The following LMCD1 variants were observed in gnomAD, a reference collection of about 807,000 sequenced individuals.
LMCD1 encodes the protein LIM and cysteine-rich domains protein 1.
A neutral mutation model predicts 42.7 loss-of-function variants in LMCD1; 32 were observed. The ratio of observed to expected loss-of-function variants is 0.75; its 90% confidence interval spans 0.57 to 1.01. The LOEUF is 1.01. Ranked by LOEUF, LMCD1 falls within the 50% of genes least tolerant of loss-of-function variation. The pLI is 0.00. For missense variants in LMCD1, 458 were observed against 483.1 expected, an observed-to-expected ratio of 0.95 and a Z score of 0.49; for synonymous variants, 178 against 184.9, an observed-to-expected ratio of 0.96 and a Z score of 0.30.
chr3:8,537,431 C>G lies in LMCD1; in HGVS notation c.378C>G (p.Thr126=). The change falls in exon 3 of 6, where the codon ACC becomes ACG. Residue 126 remains threonine (T), a synonymous_variant. Coordinates refer to ENST00000157600, the MANE Select transcript of LMCD1 (RefSeq NM_014583.4). The stretch of plus-strand genomic sequence containing the variant: ...ACGAGTGGGCTCCCCCTGGAGTCAC[C>G]CAGAAACTGGTAAGAGAGCTTCCCC... The part of the protein sequence containing the change: ...ITYEWAPPGV[T]QKLGLQYMEL... The G allele has an allele frequency of 6.3e-7, 1 of 1,579,510 alleles. No individual in the cohort carries two copies.
intron 3 of LMCD1, among the ~76,000 whole-genome samples, chr3:8,543,013 C>G (rs1042385416): frequency 8.5e-5 from 13 of 152,180 alleles, no homozygotes; most frequent in Admixed American, 8.5e-4. Flanking sequence ...GCCGAATCAG[C>G]CTGGATGGGG....
intron 1 of LMCD1, among the ~76,000 whole-genome samples, chr3:8,525,574 T>A (rs1174148369): frequency 6.6e-6 from 1 of 152,194 alleles, no homozygotes; most frequent in Admixed American, 6.5e-5. Context: ...TTCCTTTGGA[T>A]GTATATCCAG....
At chr3:8,502,721 G>A (rs558489345) in intron 1 of LMCD1, among the ~76,000 whole-genome samples, 2 of 151,892 alleles carry the variant, frequency 1.3e-5, no homozygotes, top group Non-Finnish European at 2.9e-5. Context: ...CTGGCCCGGA[G>A]CCCAGAAGGT....
rs766310717 is a variant in LMCD1, at chr3:8,501,993, C to T, written c.42+13C>T. 6.3e-7 allele frequency: 1 copy of T among 1,582,290 alleles called. No individual in the cohort carries two copies. The highest frequency in any genetic ancestry group is 8.6e-7 in the Non-Finnish European group (1 of 1,166,660). On this transcript the variant is annotated intron_variant, in intron 1 of 5. Coordinates refer to ENST00000157600, the MANE Select transcript of LMCD1 (RefSeq NM_014583.4). ...AGGAGTTAAAAAGGTGAGTGGAAAG[C>T]TGTTTGTATTTACCCAGATTCTTAC...
intron 1 of LMCD1, among the ~76,000 whole-genome samples, chr3:8,507,207 T>C (rs1693901665): frequency 6.6e-6 from 1 of 152,248 alleles, no homozygotes; most frequent in South Asian, 2.1e-4. Flanking sequence ...GATGTTTACA[T>C]ATAGCAATAG....
At chr3:8,529,991 A>G (rs1216513578) in intron 1 of LMCD1, among the ~76,000 whole-genome samples, 1 of 152,162 alleles carries the variant, frequency 6.6e-6, no homozygotes, top group Non-Finnish European at 1.5e-5. Flanking sequence ...CAACAAGCCT[A>G]CTTGCCCAAG....
intron 1 of LMCD1, among the ~76,000 whole-genome samples, chr3:8,520,567 A>T (rs1694185570): frequency 6.6e-6 from 1 of 152,208 alleles, no homozygotes; most frequent in Admixed American, 6.5e-5. Context: ...GCTACTTGGT[A>T]AATCACTAAA....
At position 8,537,178 on chromosome 3, in the gene LMCD1, C is replaced by A. The variant is rs1231504911; in HGVS notation, c.132-7C>A. 3 of 1,612,854 alleles carry A rather than the reference C, an allele frequency of 1.9e-6. No individual in the cohort carries two copies. In the South Asian group the frequency reaches 3.3e-5, roughly 18 times the overall value. On this transcript the variant is annotated splice_region_variant and splice_polypyrimidine_tract_variant and intron_variant, in intron 2 of 5. Transcript: ENST00000157600. ...AATCTCACTGGTCCCCATCCACCCA[C>A]CCCCAGGAAAATATGCAAGTCTTGC...
chr3:8,543,370 T>C lies in LMCD1; in HGVS notation c.388-5198T>C, dbSNP rs1694665283. ...CAGAGCCACCCAGGAGAAACTGTTT[T>C]AAACTGCTGATAGATAGATAGATAG... On this transcript the variant is annotated intron_variant, in intron 3 of 5. Coordinates refer to ENST00000157600, the MANE Select transcript of LMCD1 (RefSeq NM_014583.4). Among the ~76,000 whole-genome samples, 3 of 129,460 alleles carry C rather than the reference T, an allele frequency of 2.3e-5. No individual in the cohort carries two copies. The South Asian group carries it at 7.2e-4, about 31-fold the overall frequency. 84.9% of individuals were successfully genotyped at this position (129,460 alleles called of 152,430 possible).
chr3:8,536,668 T>G (rs1255281280), intron 2 of LMCD1, among the ~76,000 whole-genome samples: 1 of 152,216 alleles, frequency 6.6e-6, no homozygotes, highest in Non-Finnish European at 1.5e-5. Context: ...TTGCAAACTT[T>G]TTTTGTAAAG....
At chr3:8,552,524 G>T (rs529934361) in intron 4 of LMCD1, among the ~76,000 whole-genome samples, 30 of 152,310 alleles carry the variant, frequency 2.0e-4, no homozygotes, top group Admixed American at 1.2e-3. Flanking sequence ...CAGTAGGTGT[G>T]GGGTGGAGCC....
At position 8,562,929 on chromosome 3, in the gene LMCD1, A is replaced by G. The variant is rs75381477; in HGVS notation, c.724-2503A>G. Among the ~76,000 whole-genome samples, 927 of 152,258 alleles carry G rather than the reference A, an allele frequency of 6.1e-3. 10 individuals carry two copies. The highest frequency in any genetic ancestry group is 0.01 in the Middle Eastern group (3 of 294). On this transcript the variant is annotated intron_variant, in intron 4 of 5. Coordinates refer to ENST00000157600, the MANE Select transcript of LMCD1 (RefSeq NM_014583.4). The stretch of plus-strand genomic sequence containing the variant: ...GCCCCTGAAAGGCAAGAGTGTTTTG[A>G]AAGCTCCCAAGAACTTTCCACAACT...
intron 4 of LMCD1, among the ~76,000 whole-genome samples, chr3:8,562,716 GT>G (rs1695060864): frequency 6.6e-6 from 1 of 152,068 alleles, no homozygotes; most frequent in Non-Finnish European, 1.5e-5. Flanking sequence ...CCCTGTGATT[GT>G]TTTCCTAGTA....
intron 4 of LMCD1, chr3:8,550,787 A>T (rs1694826598): frequency 3.0e-6 from 3 of 985,132 alleles, no homozygotes; most frequent in African/African-American, 1.7e-5. Flanking sequence ...TTTGTTCATA[A>T]ACCCTAAATA....
At chr3:8,509,520 C>T (rs573140541) in intron 1 of LMCD1, among the ~76,000 whole-genome samples, 11 of 152,316 alleles carry the variant, frequency 7.2e-5, no homozygotes, top group African/African-American at 2.4e-4. Context: ...TATGTGCCAG[C>T]CACTGTGCTA....
At chr3:8,511,140 G>A (rs185826387) in intron 1 of LMCD1, among the ~76,000 whole-genome samples, 2 of 152,276 alleles carry the variant, frequency 1.3e-5, no homozygotes, top group East Asian at 3.9e-4. Flanking sequence ...AAAAGTTATT[G>A]TACTCACAAC....
chr3:8,554,241 A>T (rs1000523605), intron 4 of LMCD1, among the ~76,000 whole-genome samples: 15 of 152,214 alleles, frequency 9.9e-5, no homozygotes, highest in African/African-American at 3.6e-4. Flanking sequence ...CATTTCGCAG[A>T]TGAGGACCCT....
At chr3:8,543,932 A>T (rs1183111992) in intron 3 of LMCD1, among the ~76,000 whole-genome samples, 2 of 152,190 alleles carry the variant, frequency 1.3e-5, no homozygotes, top group Non-Finnish European at 2.9e-5. Context: ...CTGTAATTTC[A>T]TACTGATCAA....
chr3:8,509,408 C>T (rs1693950465), intron 1 of LMCD1, among the ~76,000 whole-genome samples: 1 of 152,020 alleles, frequency 6.6e-6, no homozygotes, highest in Non-Finnish European at 1.5e-5. Flanking sequence ...CATAGCAGCC[C>T]TCCCCTGCTC....
Sources: allele counts gnomAD v4.1 joint callset (sites outside exome capture counted in the v4.1 genomes callset), GRCh38; gene constraint gnomAD v4.1.1; transcripts MANE v1.5; gene names NCBI Gene and HGNC (gene_info 2026-07-23, HGNC 2026-07-21).